The following CC2D2B variants were observed in gnomAD, a reference collection of about 807,000 sequenced individuals.
CC2D2B encodes protein CC2D2B.
In CC2D2B, 128 loss-of-function variants were observed where a neutral mutation model predicts 161.2. The ratio of observed to expected loss-of-function variants is 0.79; its 90% CI spans 0.69 to 0.92. The LOEUF is 0.92. Ranked by LOEUF, CC2D2B falls within the 40% of genes least tolerant of loss-of-function variation. The pLI is 0.00. For synonymous variants in CC2D2B, 391 were observed against 449.8 expected, an observed-to-expected ratio of 0.87 and a Z score of 1.65; for missense variants, 1,173 against 1,375.1, an observed-to-expected ratio of 0.85 and a Z score of 2.32.
intron 25 of CC2D2B, among the ~76,000 whole-genome samples, chr10:96,006,050 AT>A (rs59340586): frequency 0.3 from 45,646 of 151,806 alleles, 8,179 homozygotes; most frequent in Middle Eastern, 0.45. Flanking sequence ...ATGTTTGCCT[AT>A]TCTTTAAAGA....
At chr10:95,980,475 G>GCTTAAATCTA (rs2077474723) in intron 17 of CC2D2B, among the ~76,000 whole-genome samples, 2 of 152,018 alleles carry the variant, frequency 1.3e-5, no homozygotes, top group Non-Finnish European at 1.5e-5. Context: ...TAATCTATTC[G>GCTTAAATCTA]TTAAGATTTA....
chr10:95,975,262 C>T (rs1479290693), intron 17 of CC2D2B, among the ~76,000 whole-genome samples: 1 of 151,962 alleles, frequency 6.6e-6, no homozygotes. Context: ...TAAAAAAGAA[C>T]AGGGAGAACA....
intron 6 of CC2D2B, among the ~76,000 whole-genome samples, chr10:95,934,360 G>A (rs572717506): frequency 6.6e-6 from 1 of 152,012 alleles, no homozygotes; most frequent in East Asian, 2.0e-4. Flanking sequence ...TGGCTCCCTG[G>A]CTTCAGCCTC....
chr10:95,962,329 A>G (rs1370712825), intron 12 of CC2D2B, among the ~76,000 whole-genome samples: 2 of 152,188 alleles, frequency 1.3e-5, no homozygotes, highest in African/African-American at 2.4e-5. Flanking sequence ...AAAACCAGAA[A>G]GAAACAGTGC....
chr10:96,021,894 G>T (rs2079477952), intron 32 of CC2D2B, among the ~76,000 whole-genome samples: 1 of 152,200 alleles, frequency 6.6e-6, no homozygotes, highest in Non-Finnish European at 1.5e-5. Context: ...TAGGTGGTAG[G>T]TATGCTAGGT....
chr10:96,005,705 C>T (rs1415630372), intron 25 of CC2D2B, among the ~76,000 whole-genome samples: 1 of 152,104 alleles, frequency 6.6e-6, no homozygotes, highest in Non-Finnish European at 1.5e-5. Flanking sequence ...GACACGTAGC[C>T]TATTTCTAAC....
chr10:95,993,130 T>C (rs1251929151), intron 22 of CC2D2B: 1 of 155,978 alleles, frequency 6.4e-6, no homozygotes, highest in African/African-American at 2.4e-5. Context: ...AAATCAGAAT[T>C]GCTACAGTTA....
At chr10:96,015,672 C>T (rs1171557333) in intron 29 of CC2D2B, among the ~76,000 whole-genome samples, 1 of 152,118 alleles carries the variant, frequency 6.6e-6, no homozygotes, top group Non-Finnish European at 1.5e-5. Flanking sequence ...CTGTTACACC[C>T]TGCTCAGCTG....
chr10:95,973,171 C>T (rs971854241), intron 16 of CC2D2B, among the ~76,000 whole-genome samples: 4 of 151,500 alleles, frequency 2.6e-5, no homozygotes, highest in East Asian at 3.9e-4. Context: ...GGGCAGAGAA[C>T]GAGGGAAGAA....
chr10:95,955,491 G>A lies in CC2D2B; in HGVS notation c.1109G>A (p.Ser370Asn), dbSNP rs1452988016. 1 of 398,034 alleles carries A rather than the reference G, an allele frequency of 2.5e-6. No individual in the cohort carries two copies. The highest frequency in any genetic ancestry group is 2.1e-5 in the African/African-American group (1 of 48,538). 24.7% of individuals were successfully genotyped at this position (398,034 alleles called of 1,614,324 possible). Residue 370 changes from serine (S) to asparagine (N), a missense_variant and splice_region_variant, in exon 11 of 35, where the codon AGT (serine) becomes AAT (asparagine). Around this residue, in one of 3 missense-constraint regions of CC2D2B, gnomAD observed 298 missense variants for 261.2 expected, o/e 1.14. Transcript: ENST00000646931. Reference protein sequence around the residue: ...KSLQDYYWQISNTKQMYDLER... With the variant: ...KSLQDYYWQINNTKQMYDLER... Reference sequence around the variant, plus strand: ...TTACAAGATTATTATTGGCAAATAAGGTAGGTTTTGAGCCATTCATGTTCA... The same window carrying A: ...TTACAAGATTATTATTGGCAAATAAAGTAGGTTTTGAGCCATTCATGTTCA...
chr10:96,010,984 G>T (rs1386381359), intron 26 of CC2D2B, among the ~76,000 whole-genome samples: 2 of 152,106 alleles, frequency 1.3e-5, no homozygotes, highest in Non-Finnish European at 2.9e-5. Flanking sequence ...TGTAAGCCTT[G>T]TTTATTAATG....
At chr10:95,947,103 A>ATG (rs1564608874) in intron 9 of CC2D2B, among the ~76,000 whole-genome samples, 1 of 44,344 alleles carries the variant, frequency 2.3e-5, no homozygotes, top group Non-Finnish European at 4.2e-5. Context: ...ATATATATAT[A>ATG]TATATATATA....
intron 33 of CC2D2B, among the ~76,000 whole-genome samples, chr10:96,025,162 T>TATATATATATAAAAAAAAAAA (rs1564683653): frequency 1.4e-4 from 1 of 7,108 alleles, no homozygotes; most frequent in Non-Finnish European, 2.4e-4. Context: ...AAAATATATA[T>TATATATATATAAAAAAAAAAA]ATATATATAT....
chr10:95,915,354 A>G (rs1337169051), intron 2 of CC2D2B, among the ~76,000 whole-genome samples: 1 of 152,188 alleles, frequency 6.6e-6, no homozygotes, highest in Non-Finnish European at 1.5e-5. Flanking sequence ...TCATCTCCAA[A>G]CAAGGATAAC....
At chr10:95,988,179 A>G in intron 19 of CC2D2B, 71 bp from the exon 20 acceptor site, 1 of 501,548 alleles carries the variant, frequency 2.0e-6, no homozygotes, top group Non-Finnish European at 3.1e-6. Context: ...GACTAGTGAT[A>G]TTTATTGCAA....
rs559972862 is a variant in CC2D2B, at chr10:95,911,718, A to G, written c.36+359A>G. On this transcript the variant is annotated intron_variant, in intron 2 of 34. Coordinates refer to ENST00000646931, the MANE Select transcript of CC2D2B (RefSeq NM_001349008.3). ...TTACATGTCTCTTAGAGTAACTGCAATTAAGATTCACATTTTATCCCTACC... is the reference window on the plus strand; with the variant it reads ...TTACATGTCTCTTAGAGTAACTGCAGTTAAGATTCACATTTTATCCCTACC... Among the ~76,000 whole-genome samples, 141 of 152,306 alleles carry G rather than the reference A, an allele frequency of 9.3e-4. 1 individual carries two copies. The highest frequency in any genetic ancestry group is 3.3e-3 in the African/African-American group (136 of 41,566).
At position 95,995,375 on chromosome 10, in the gene CC2D2B, T is replaced by A; in HGVS notation, c.2739+10T>A. ...TGAGACCTTACATGAGGTAAGTATT[T>A]AACACTTCTATAAAGTATAATATTG... On this transcript the variant is annotated intron_variant, in intron 23 of 34. Transcript: ENST00000646931. 1 of 1,304,750 alleles carries A rather than the reference T, an allele frequency of 7.7e-7. No individual in the cohort carries two copies. The highest frequency in any genetic ancestry group is 1.1e-6 in the Non-Finnish European group (1 of 947,248). The allele number at this position is 1,304,750 out of a possible 1,614,324, so 80.8% of individuals were successfully genotyped here. A position where few individuals can be genotyped will look rare whatever the true frequency, so the allele number is the denominator to read the frequency against.
intron 16 of CC2D2B, among the ~76,000 whole-genome samples, chr10:95,973,405 T>G (rs980699746): frequency 6.6e-6 from 1 of 152,180 alleles, no homozygotes; most frequent in Non-Finnish European, 1.5e-5. Flanking sequence ...TGGTCCTTTC[T>G]TGCTGGAAGC....
rs1218204912 is a variant in CC2D2B at position 96,031,995 on chromosome 10, T to C, written c.4301T>C (p.Val1434Ala). ...LSVWVYLASL[V>A]QHQ is the part of the protein sequence containing the mutation. ...GTGTGGGTCTATTTGGCTTCCTTAG[T>C]TCAACATCAATGAAAAGGAAGCAGA... The change falls in exon 35 of 35, where the codon GTT becomes GCT. Residue 1434 changes from valine (V) to alanine (A), a missense_variant. By Grantham distance (64) the Val-to-Ala change is moderately conservative. Around this residue, in one of 3 missense-constraint regions of CC2D2B, gnomAD observed 598 missense variants for 693.2 expected, o/e 0.86. Transcript: ENST00000646931. The C allele has an allele frequency of 3.7e-6, 6 of 1,612,384 alleles. No individual in the cohort carries two copies. In the Admixed American group the frequency reaches 8.4e-5, roughly 22 times the overall value.
Sources: allele counts gnomAD v4.1 joint callset (sites outside exome capture counted in the v4.1 genomes callset), GRCh38; gene constraint gnomAD v4.1.1; regional missense constraint gnomAD v4.1.1; transcripts MANE v1.5; gene names NCBI Gene and HGNC (gene_info 2026-07-23, HGNC 2026-07-21).